Variants in PRDM15 observed in about 807,000 individuals in gnomAD.
The protein encoded by PRDM15 is PR domain zinc finger protein 15.
In PRDM15, 64 loss-of-function variants were observed where a neutral mutation model predicts 128.6. The observed-to-expected ratio is 0.50, with a 90% CI of 0.41 to 0.61. PRDM15 has a LOEUF of 0.61. Ranked by LOEUF, PRDM15 falls within the 20% of genes least tolerant of loss-of-function variation. The pLI is 0.00. For missense variants in PRDM15, 1,242 were observed against 1,569.1 expected, an observed-to-expected ratio of 0.79 and a Z score of 3.52; for synonymous variants, 615 against 621.8, an observed-to-expected ratio of 0.99 and a Z score of 0.16.
rs774159082 is a variant in PRDM15 at position 41,821,895 on chromosome 21, C to T, written c.1896+8G>A. 1.1e-5 allele frequency: 18 copies of T among 1,613,846 alleles called. No individual in the cohort carries two copies. In the Admixed American group the frequency reaches 1.3e-4, roughly 12 times the overall value. On this transcript the variant is annotated splice_region_variant and intron_variant, in intron 15 of 23. Transcript: ENST00000398548. This position sits in a 1 kb window ranked among gnomAD's most constrained non-coding sequence, Gnocchi z 5.4. ...CCACCCAGGCACCGCGGGGCAAACC[C>T]GCCATACCTGGCACCGCTTGCAGCT...
chr21:41,815,937 G>A lies in PRDM15; in HGVS notation c.2261-101C>T, dbSNP rs538075190. 98 of 1,465,266 alleles carry A rather than the reference G, an allele frequency of 6.7e-5. 3 individuals are homozygous for A. The South Asian group carries it at 8.3e-4, about 12-fold the overall frequency. 90.8% of individuals were successfully genotyped at this position (1,465,266 alleles called of 1,614,324 possible). A position where few individuals can be genotyped will look rare whatever the true frequency, so the allele number is the denominator to read the frequency against. ...GGCAGGCACAGGCAGCGGCCCGTGC[G>A]GTACTGGTGAGGGTGTGGGCCGGCC... On this transcript the variant is annotated intron_variant, in intron 18 of 23. Transcript: ENST00000398548.
At chr21:41,858,006 T>C (rs2063689737) in intron 3 of PRDM15, among the ~76,000 whole-genome samples, 2 of 152,124 alleles carry the variant, frequency 1.3e-5, no homozygotes, top group African/African-American at 4.8e-5. Flanking sequence ...CTGGTGGGGC[T>C]GCTACGGGAC....
intron 5 of PRDM15, among the ~76,000 whole-genome samples, chr21:41,848,760 C>T (rs942025121): frequency 1.3e-5 from 2 of 152,202 alleles, no homozygotes; most frequent in African/African-American, 2.4e-5. Context: ...CTCAACTTGG[C>T]GCTCTGCTGC....
chr21:41,800,278 T>A lies in PRDM15; in HGVS notation c.*962A>T, dbSNP rs544150972. On this transcript the variant is annotated 3_prime_UTR_variant, in exon 24 of 24. Transcript: ENST00000398548. ...CTGGGCTTCAGCCAGAATGGATACA[T>A]TTGGATTGCAGAGAATCCTGAGACA... 3.3e-5 allele frequency: 5 copies of A among 152,364 alleles called. No homozygotes were observed. The highest frequency in any genetic ancestry group is 9.6e-5 in the African/African-American group (4 of 41,568). 9.4% of individuals were successfully genotyped at this position (152,364 alleles called of 1,614,324 possible).
chr21:41,847,900 G>A (rs913867069), intron 5 of PRDM15, among the ~76,000 whole-genome samples: 11 of 152,250 alleles, frequency 7.2e-5, no homozygotes, highest in African/African-American at 2.4e-4. Context: ...GGCATGCGGT[G>A]TAAGCCTGGC....
At chr21:41,843,156 C>T (rs2063127010) in intron 6 of PRDM15, among the ~76,000 whole-genome samples, 1 of 152,020 alleles carries the variant, frequency 6.6e-6, no homozygotes, top group Non-Finnish European at 1.5e-5. Flanking sequence ...CCTTTGTTTT[C>T]TCTGGAGTTA....
intron 21 of PRDM15, among the ~76,000 whole-genome samples, chr21:41,806,054 C>T (rs902270950): frequency 3.3e-4 from 23 of 69,702 alleles, no homozygotes; most frequent in Non-Finnish European, 4.0e-4. Flanking sequence ...ATCACCACCA[C>T]CACCATCACC....
intron 1 of PRDM15, among the ~76,000 whole-genome samples, chr21:41,875,633 C>T (rs2064386176): frequency 6.6e-6 from 1 of 152,216 alleles, no homozygotes. Context: ...CTTCTTAAGG[C>T]CAGAAAGTAT....
chr21:41,864,261 C>G (rs1462984872), intron 1 of PRDM15, among the ~76,000 whole-genome samples: 1 of 152,160 alleles, frequency 6.6e-6, no homozygotes, highest in Non-Finnish European at 1.5e-5. Flanking sequence ...AAGAAATGAA[C>G]TATAACTTCA....
At chr21:41,855,793 C>T (rs772987228) in intron 4 of PRDM15, among the ~76,000 whole-genome samples, 3 of 152,228 alleles carry the variant, frequency 2.0e-5, no homozygotes, top group East Asian at 1.9e-4. Context: ...GTACGTCGAC[C>T]GGATGGGTGC....
chr21:41,874,502 C>CATATATATAT (rs756151491), intron 1 of PRDM15, among the ~76,000 whole-genome samples: 4 of 118,664 alleles, frequency 3.4e-5, no homozygotes, highest in Non-Finnish European at 5.1e-5. Flanking sequence ...AAGCAGCATG[C>CATATATATAT]ATATATATAT....
intron 5 of PRDM15, among the ~76,000 whole-genome samples, chr21:41,852,155 G>A (rs1485743614): frequency 2.0e-5 from 3 of 152,200 alleles, no homozygotes; most frequent in Non-Finnish European, 4.4e-5. Flanking sequence ...AAATGAATAC[G>A]AAACACCTGT....
intron 1 of PRDM15, chr21:41,877,525 A>AG (rs1387073093): frequency 6.6e-6 from 1 of 152,232 alleles, no homozygotes. Context: ...CATTTAAGTC[A>AG]CCGCTCACCA....
chr21:41,860,235 G>A (rs769652728), intron 2 of PRDM15, 92 bp downstream of exon 2: 10 of 895,204 alleles, frequency 1.1e-5, no homozygotes, highest in African/African-American at 1.7e-5. Flanking sequence ...AAATGTAGAC[G>A]TGGCTTTGCC....
At chr21:41,838,766 T>C (rs75803369) in intron 7 of PRDM15, among the ~76,000 whole-genome samples, 4,948 of 152,322 alleles carry the variant, frequency 0.032, 248 homozygotes, top group African/African-American at 0.11. Context: ...GCCTAGAAGC[T>C]GCAGACCCAC....
At chr21:41,873,350 G>A (rs941529360) in intron 1 of PRDM15, among the ~76,000 whole-genome samples, 2 of 152,138 alleles carry the variant, frequency 1.3e-5, no homozygotes. Context: ...CTCACACCTC[G>A]GTTAGGCTGC....
chr21:41,859,295 A>C lies in PRDM15; in HGVS notation c.131+297T>G, dbSNP rs560129618. 6 of 1,469,458 alleles carry C rather than the reference A, an allele frequency of 4.1e-6. No individual in the cohort carries two copies. In the African/African-American group the frequency reaches 8.3e-5, roughly 20 times the overall value. The allele number at this position is 1,469,458 out of a possible 1,614,324, so 91.0% of individuals were successfully genotyped here. ...GCTGCTGGTGCTCAGCACGTCAACC[A>C]CCTTGGCAAGTCCACTCTTCTGCAG... is the stretch of plus-strand genomic sequence containing the variant. On this transcript the variant is annotated intron_variant, in intron 3 of 23. Coordinates refer to ENST00000398548, the MANE Select transcript of PRDM15 (RefSeq NM_001040424.3). This position sits in a 1 kb window ranked among gnomAD's most constrained non-coding sequence, Gnocchi z 5.3.
chr21:41,878,744 G>A, intron 1 of PRDM15: 5 of 1,563,124 alleles, frequency 3.2e-6, no homozygotes, highest in African/African-American at 1.4e-5. Context: ...GGACCCCCCC[G>A]TGCGACCCGC....
chr21:41,832,155 A>C lies in PRDM15; in HGVS notation c.1366+3282T>G, dbSNP rs958622022. Among the ~76,000 whole-genome samples, 11 of 152,142 alleles carry C rather than the reference A, an allele frequency of 7.2e-5. No homozygotes were observed. The highest frequency in any genetic ancestry group is 6.5e-4 in the Admixed American group (10 of 15,274). ...CCATCCAGCTCACTTCTCAAAACTC[A>C]CTTTGCTATTTTTGACACTGTAGAT... On this transcript the variant is annotated intron_variant, in intron 11 of 23. Coordinates refer to ENST00000398548, the MANE Select transcript of PRDM15 (RefSeq NM_001040424.3). This position sits in a 1 kb window ranked among gnomAD's most constrained non-coding sequence, Gnocchi z 4.2.
Sources: gnomAD v4.1 joint callset for allele counts (sites outside exome capture counted in the v4.1 genomes callset) on GRCh38, gnomAD v4.1.1 for gene constraint, Gnocchi (gnomAD v3.1) non-coding constraint, MANE v1.5 for transcripts, NCBI Gene and HGNC (gene_info 2026-07-23, HGNC 2026-07-21) for gene names.